The following FCHO1 variants were observed in gnomAD, a reference collection of about 807,000 sequenced individuals.
FCHO1 encodes F-BAR domain only protein 1.
In FCHO1, 45 loss-of-function variants were observed where a neutral mutation model predicts 114.4. That is an observed-to-expected ratio of 0.39 (90% CI 0.31 to 0.50). The LOEUF is 0.50. Among genes scored for constraint, FCHO1 ranks in the 20% least tolerant of loss-of-function variants. The pLI is 0.77. For synonymous variants in FCHO1, 480 were observed against 488.9 expected (o/e 0.98, Z 0.24); for missense variants, 1,042 against 1,209.6 (o/e 0.86, Z 2.06).
rs561051667 is a variant in FCHO1 at position 17,771,010 on chromosome 19, T to G, written c.594+114T>G. On this transcript the variant is annotated intron_variant, in intron 9 of 28. Transcript: ENST00000596536. ...GGCTCACACCTGTAATCCCAGCACTTTGGGAGGCCGAGGCGGGAGGATCAC... is the reference window on the plus strand; with the variant it reads ...GGCTCACACCTGTAATCCCAGCACTGTGGGAGGCCGAGGCGGGAGGATCAC... 5 of 863,254 alleles carry G rather than the reference T, an allele frequency of 5.8e-6. No individual in the cohort carries two copies. The Admixed American group carries it at 1.2e-4, about 21-fold the overall frequency. The allele number at this position is 863,254 out of a possible 1,614,324, so 53.5% of individuals were successfully genotyped here.
chr19:17,762,716 G>A, intron 4 of FCHO1, 46 bp from the exon 5 acceptor site: 1 of 1,408,998 alleles, frequency 7.1e-7, no homozygotes, highest in African/African-American at 1.4e-5. Flanking sequence ...AAGCAACTAT[G>A]ATGTTCTCTC....
In FCHO1 at chr19:17,770,793, C is replaced by T. The variant is rs144793428; in HGVS notation, c.491C>T (p.Ala164Val). The T allele has an allele frequency of 1.2e-4, 198 of 1,613,872 alleles. No homozygotes were observed. Among genetic ancestry groups the T allele is most frequent in the Admixed American group, 1.7e-4 (10 of 60,006 alleles). Residue 164 changes from alanine (A) to valine (V), a missense_variant and splice_region_variant, in exon 9 of 29, where the codon GCG becomes GTG. This residue lies in a region of FCHO1 where 450 missense variants were observed against 564.1 expected (regional missense o/e 0.80). Transcript: ENST00000596536. ...CCGTTTCCTCCCTGTGCTTTGTAGG[C>T]GGAGACTAAAACCAAGAAGGCGGCA... ...ESTSQKEMDK[A>V]ETKTKKAAES... is the part of the protein sequence containing the mutation.
At chr19:17,759,957 C>T (rs1473909909) in intron 4 of FCHO1, among the ~76,000 whole-genome samples, 3 of 152,078 alleles carry the variant, frequency 2.0e-5, no homozygotes, top group African/African-American at 7.2e-5. Flanking sequence ...ACTGCATTTG[C>T]CAACACCTCT....
At chr19:17,749,835 GTGAC>G (rs2081475903), upstream of FCHO1, among the ~76,000 whole-genome samples, 1 of 152,148 alleles carries the variant, frequency 6.6e-6, no homozygotes, top group South Asian at 2.1e-4. Flanking sequence ...CTTGAACCAA[GTGAC>G]TGGTCCGTGG....
At chr19:17,750,679 G>A (rs531851011), upstream of FCHO1, among the ~76,000 whole-genome samples, 1 of 151,178 alleles carries the variant, frequency 6.6e-6, no homozygotes, top group East Asian at 2.0e-4. Flanking sequence ...GGCTGTTCTC[G>A]CACTCCTGGG....
intron 4 of FCHO1, chr19:17,755,600 G>A: frequency 5.8e-6 from 1 of 172,176 alleles, no homozygotes; most frequent in Non-Finnish European, 1.3e-5. Flanking sequence ...CTCATGGCCT[G>A]TGCACCCCTC....
intron 4 of FCHO1, among the ~76,000 whole-genome samples, chr19:17,756,902 C>G (rs1170466552): frequency 2.0e-5 from 3 of 152,032 alleles, no homozygotes; most frequent in Non-Finnish European, 1.5e-5. Flanking sequence ...AAAGACCACA[C>G]TCTTGGCTGG....
At chr19:17,778,498 T>C (rs896146993) in intron 19 of FCHO1, 111 bp from the exon 20 acceptor site, 1 of 1,316,110 alleles carries the variant, frequency 7.6e-7, no homozygotes, top group Non-Finnish European at 1.0e-6. Context: ...ACAAGGACTT[T>C]GAATGGGGGC....
At chr19:17,760,475 G>A (rs1487578819) in intron 4 of FCHO1, among the ~76,000 whole-genome samples, 1 of 152,178 alleles carries the variant, frequency 6.6e-6, no homozygotes, top group Non-Finnish European at 1.5e-5. Flanking sequence ...TCATGCGGCA[G>A]AGGGTCCCAA....
rs1334993003 is a variant in FCHO1, at chr19:17,775,427, G to A, written c.946-29G>A. ...TGGAAGGTTCGATAGTGGGGCGCCT[G>A]ACTCACTGCTGCCCCCTGACTCCCC... On this transcript the variant is annotated intron_variant, in intron 14 of 28. Coordinates refer to ENST00000596536, the MANE Select transcript of FCHO1 (RefSeq NM_015122.3). This position sits in a 1 kb window ranked among gnomAD's most constrained non-coding sequence, Gnocchi z 5.1. 1 of 1,610,192 alleles carries A rather than the reference G, an allele frequency of 6.2e-7. No individual in the cohort carries two copies. Among genetic ancestry groups the A allele is most frequent in the Admixed American group, 1.7e-5 (1 of 59,996 alleles).
At chr19:17,783,617 G>A (rs1484999016) in intron 24 of FCHO1, among the ~76,000 whole-genome samples, 1 of 150,376 alleles carries the variant, frequency 6.6e-6, no homozygotes, top group Admixed American at 6.7e-5. Context: ...TTTTGCTCTT[G>A]TTGCCCAGGC....
At chr19:17,779,544 GA>G (rs1228162644) in intron 20 of FCHO1, among the ~76,000 whole-genome samples, 58 of 150,584 alleles carry the variant, frequency 3.9e-4, no homozygotes, top group African/African-American at 6.1e-4. Flanking sequence ...GATGGGGAAG[GA>G]GCGGAGTCAA....
intron 4 of FCHO1, among the ~76,000 whole-genome samples, chr19:17,755,936 T>C (rs11669420): frequency 0.85 from 129,051 of 152,152 alleles, 55,801 homozygotes; most frequent in Middle Eastern, 0.96. Context: ...AGATGTGACA[T>C]TGAGTGGCAA....
At chr19:17,760,074 C>T (rs1316006430) in intron 4 of FCHO1, among the ~76,000 whole-genome samples, 2 of 147,516 alleles carry the variant, frequency 1.4e-5, no homozygotes, top group African/African-American at 5.1e-5. Flanking sequence ...CATTGGGGGA[C>T]AGAGTCTTGC....
intron 4 of FCHO1, among the ~76,000 whole-genome samples, chr19:17,758,286 G>A (rs1448732721): frequency 6.6e-6 from 1 of 152,130 alleles, no homozygotes; most frequent in African/African-American, 2.4e-5. Flanking sequence ...AGGGGGTTGA[G>A]CAGGGTTAGG....
intron 4 of FCHO1, among the ~76,000 whole-genome samples, chr19:17,760,330 T>A (rs1453883962): frequency 6.6e-6 from 1 of 151,876 alleles, no homozygotes; most frequent in African/African-American, 2.4e-5. Context: ...GGACTACAGG[T>A]GTGAGGCACC....
At position 17,778,785 on chromosome 19, in the gene FCHO1, C is replaced by T. The variant is rs369581648; in HGVS notation, c.1528C>T (p.Pro510Ser). Reference protein sequence around the residue: ...QSPPSCRAPPPEARGIRAPPL... With the variant: ...QSPPSCRAPPSEARGIRAPPL... ...CCCGCCCAGCTGTAGGGCGCCACCC[C>T]CAGAGGCCAGGGGTATCCGGGCACC... is the stretch of plus-strand genomic sequence containing the variant. The change falls in exon 20 of 29, where the codon CCA becomes TCA. Residue 510 changes from proline to serine, a missense_variant. Pro to Ser is a moderately conservative substitution (Grantham distance 74, BLOSUM62 -1). Coordinates refer to ENST00000596536, the MANE Select transcript of FCHO1 (RefSeq NM_015122.3). 5.2e-6 allele frequency: 8 copies of T among 1,539,598 alleles called. No individual in the cohort carries two copies. In the African/African-American group the frequency reaches 5.5e-5, roughly 10 times the overall value.
rs1185431113 is a variant in FCHO1 at position 17,783,017 on chromosome 19, C to G, written c.1938C>G (p.Ser646Arg). The change falls in exon 24 of 29, where the codon AGC (serine) becomes AGG (arginine). Residue 646 changes from serine (S) to arginine (R), a missense_variant and splice_region_variant. Physicochemically the swap from Ser to Arg is moderately radical, Grantham distance 110. Around this residue, in one of 3 missense-constraint regions of FCHO1, gnomAD observed 455 missense variants for 455.4 expected, o/e 1.00. Transcript: ENST00000596536. ...CACCCAGTCCCCTCATCCTCCCTAG[C>G]TGCCTGGCTCGAGTAACTGGGGAGC... ...VHAYFRGHSP[S>R]CLARVTGELT... 4 of 1,613,826 alleles carry G rather than the reference C, an allele frequency of 2.5e-6. No individual in the cohort carries two copies. The highest frequency in any genetic ancestry group is 3.4e-6 in the Non-Finnish European group (4 of 1,179,900).
intron 6 of FCHO1, 151 bp from the exon 7 acceptor site, chr19:17,766,518 G>A (rs528793797): frequency 2.0e-5 from 20 of 1,017,880 alleles, no homozygotes; most frequent in East Asian, 1.3e-4. Context: ...TCACAGGCCC[G>A]CCTCTTACAG....
Sources: allele counts gnomAD v4.1 joint callset (sites outside exome capture counted in the v4.1 genomes callset), GRCh38; gene constraint gnomAD v4.1.1; regional missense constraint gnomAD v4.1.1; non-coding constraint Gnocchi (gnomAD v3.1); transcripts MANE v1.5; gene names NCBI Gene and HGNC (gene_info 2026-07-23, HGNC 2026-07-21).